The following NDUFS4 variants were observed in gnomAD, a reference collection of about 807,000 sequenced individuals.
The protein encoded by NDUFS4 is NADH:ubiquinone oxidoreductase subunit S4.
NDUFS4 carries 28 observed loss-of-function variants against 24.3 expected under a neutral mutation model. The ratio of observed to expected loss-of-function variants is 1.15; its 90% confidence interval spans 0.85 to 1.58. The LOEUF (loss-of-function observed/expected upper bound fraction) is 1.58. Ranked by LOEUF, NDUFS4 falls within the 40% of genes most tolerant of loss-of-function variation. The probability of loss-of-function intolerance (pLI) is 0.00; values close to 1 mark genes in which losing one functional copy is unlikely to be tolerated. For missense variants in NDUFS4, 223 were observed against 207.9 expected (o/e 1.07, Z -0.45); for synonymous variants, 93 against 69.7 (o/e 1.34, Z -1.67).
intron 1 of NDUFS4, among the ~76,000 whole-genome samples, chr5:53,601,401 A>G (rs1337865154): frequency 3.3e-5 from 5 of 152,300 alleles, no homozygotes; most frequent in Middle Eastern, 3.4e-3. Context: ...AGTAAATTAT[A>G]TATGGTTTTA....
intron 1 of NDUFS4, among the ~76,000 whole-genome samples, chr5:53,600,222 C>T (rs1200230297): frequency 1.3e-5 from 2 of 151,898 alleles, no homozygotes; most frequent in African/African-American, 4.8e-5. Flanking sequence ...TGGTCTGGAA[C>T]TCCTGAACTT....
intron 2 of NDUFS4, among the ~76,000 whole-genome samples, chr5:53,630,513 C>T (rs1751380574): frequency 2.6e-5 from 4 of 152,204 alleles, no homozygotes; most frequent in Admixed American, 2.0e-4. Flanking sequence ...CTTTCAGGTA[C>T]ACCAATCAAA....
At chr5:53,564,490 A>C (rs977810332) in intron 1 of NDUFS4, among the ~76,000 whole-genome samples, 1 of 152,178 alleles carries the variant, frequency 6.6e-6, no homozygotes, top group Non-Finnish European at 1.5e-5. Flanking sequence ...CCAAATGCCC[A>C]TACTTAGTTT....
chr5:53,668,088 T>A (rs1752569494), intron 4 of NDUFS4, among the ~76,000 whole-genome samples: 1 of 152,148 alleles, frequency 6.6e-6, no homozygotes, highest in Admixed American at 6.5e-5. Context: ...AAATAGGAAG[T>A]TAGGGTAAAA....
chr5:53,610,933 A>T (rs562019226), intron 2 of NDUFS4, among the ~76,000 whole-genome samples: 17 of 152,206 alleles, frequency 1.1e-4, no homozygotes, highest in African/African-American at 3.6e-4. Context: ...AGGTTGTCAT[A>T]CTTATGTGGA....
At chr5:53,586,045 T>C (rs1749742075) in intron 1 of NDUFS4, among the ~76,000 whole-genome samples, 2 of 151,918 alleles carry the variant, frequency 1.3e-5, no homozygotes, top group African/African-American at 4.8e-5. Flanking sequence ...ACAAATAATA[T>C]CGGCCAGGTG....
At chr5:53,621,679 C>A (rs1264838516) in intron 2 of NDUFS4, among the ~76,000 whole-genome samples, 1 of 147,136 alleles carries the variant, frequency 6.8e-6, no homozygotes, top group Non-Finnish European at 1.5e-5. Flanking sequence ...TTGTTATAAA[C>A]CTCATAGTAA....
At chr5:53,653,790 A>G (rs1579922071) in intron 3 of NDUFS4, among the ~76,000 whole-genome samples, 1 of 152,082 alleles carries the variant, frequency 6.6e-6, no homozygotes, top group Admixed American at 6.6e-5. Flanking sequence ...TCTTAGTATA[A>G]GTTTTTCACA....
chr5:53,608,460 ACTT>A (rs1750595218), intron 2 of NDUFS4, among the ~76,000 whole-genome samples: 1 of 152,118 alleles, frequency 6.6e-6, no homozygotes, highest in African/African-American at 2.4e-5. Flanking sequence ...TCACAGTGGA[ACTT>A]CTTTCAAAAT....
At chr5:53,585,888 TTTG>T (rs1401524735) in intron 1 of NDUFS4, among the ~76,000 whole-genome samples, 2 of 152,210 alleles carry the variant, frequency 1.3e-5, no homozygotes, top group African/African-American at 4.8e-5. Flanking sequence ...AGTTTTTTCT[TTTG>T]TTTTGAAACT....
intron 4 of NDUFS4, among the ~76,000 whole-genome samples, chr5:53,670,074 T>C (rs1752621230): frequency 6.6e-6 from 1 of 152,132 alleles, no homozygotes; most frequent in Admixed American, 6.6e-5. Context: ...TATTAAGGAT[T>C]AGCATCCTGA....
At chr5:53,679,614 T>A (rs1017693656) in intron 4 of NDUFS4, among the ~76,000 whole-genome samples, 1 of 152,172 alleles carries the variant, frequency 6.6e-6, no homozygotes, top group Non-Finnish European at 1.5e-5. Flanking sequence ...GTGTCTGAGA[T>A]CTGATGTAGT....
chr5:53,658,482 T>G, intron 3 of NDUFS4, 69 bp from the exon 4 acceptor site: 2 of 1,060,830 alleles, frequency 1.9e-6, no homozygotes, highest in Non-Finnish European at 2.9e-6. Flanking sequence ...GCTGTTTATT[T>G]TAAATATTGA....
At chr5:53,582,230 TAAAA>T (rs1561341065) in intron 1 of NDUFS4, among the ~76,000 whole-genome samples, 19 of 143,276 alleles carry the variant, frequency 1.3e-4, no homozygotes, top group East Asian at 2.0e-4. Context: ...TAAAATAAAA[TAAAA>T]TAAAATAAAA....
At chr5:53,657,154 C>T (rs1752185658) in intron 3 of NDUFS4, among the ~76,000 whole-genome samples, 1 of 152,122 alleles carries the variant, frequency 6.6e-6, no homozygotes, top group South Asian at 2.1e-4. Flanking sequence ...GCCAATGTGC[C>T]TGTCAACACT....
chr5:53,650,558 G>T (rs777363697), intron 3 of NDUFS4, among the ~76,000 whole-genome samples: 6 of 152,204 alleles, frequency 3.9e-5, no homozygotes, highest in Non-Finnish European at 5.9e-5. Flanking sequence ...TGTTTGTTCA[G>T]ATTCTTGTCT....
chr5:53,596,592 A>T (rs1750138843), intron 1 of NDUFS4, among the ~76,000 whole-genome samples: 1 of 152,216 alleles, frequency 6.6e-6, no homozygotes, highest in African/African-American at 2.4e-5. Flanking sequence ...AAGCTTCAAG[A>T]TTATTAACTT....
chr5:53,651,475 C>T (rs1752013652), intron 3 of NDUFS4, among the ~76,000 whole-genome samples: 1 of 151,626 alleles, frequency 6.6e-6, no homozygotes, highest in African/African-American at 2.4e-5. Context: ...TCTCAGCCTG[C>T]TTATATTTTA....
chr5:53,649,307 A>G (rs1751953470), intron 3 of NDUFS4, among the ~76,000 whole-genome samples: 1 of 152,150 alleles, frequency 6.6e-6, no homozygotes, highest in African/African-American at 2.4e-5. Flanking sequence ...TCATCACCCA[A>G]ATTAAGTAAA....
Sources: gnomAD v4.1 joint callset for allele counts (sites outside exome capture counted in the v4.1 genomes callset) on GRCh38, gnomAD v4.1.1 for gene constraint, MANE v1.5 for transcripts, NCBI Gene and HGNC (gene_info 2026-07-23, HGNC 2026-07-21) for gene names.